Variants in CCDC122 observed in about 807,000 individuals in gnomAD.
The protein encoded by CCDC122 is coiled-coil domain-containing protein 122.
In CCDC122, 38 loss-of-function variants were observed where a neutral mutation model predicts 37.0. That is an observed-to-expected ratio of 1.03 (90% CI 0.79 to 1.35). CCDC122 has a LOEUF of 1.35. CCDC122 is among the 40% of genes most tolerant of loss of function. The pLI is 0.00. For missense variants in CCDC122, 305 were observed against 310.0 expected, an observed-to-expected ratio of 0.98 and a Z score of 0.12; for synonymous variants, 83 against 95.6, an observed-to-expected ratio of 0.87 and a Z score of 0.77.
intron 4 of CCDC122, among the ~76,000 whole-genome samples, chr13:43,864,797 G>A (rs189115063): frequency 2.1e-4 from 32 of 152,222 alleles, no homozygotes; most frequent in East Asian, 7.7e-4. Flanking sequence ...TCTTTTGTTC[G>A]AATGAATTAA....
At chr13:43,866,053 G>A (rs1316154183) in intron 4 of CCDC122, among the ~76,000 whole-genome samples, 1 of 152,170 alleles carries the variant, frequency 6.6e-6, no homozygotes, top group African/African-American at 2.4e-5. Flanking sequence ...TAATGAATGG[G>A]TAGCTCATAT....
chr13:43,826,192 C>A (rs1388159293), intron 3 of CCDC122, among the ~76,000 whole-genome samples: 1 of 152,036 alleles, frequency 6.6e-6, no homozygotes, highest in Non-Finnish European at 1.5e-5. Flanking sequence ...GTACATTTAG[C>A]CTTTCATTTT....
chr13:43,848,979 C>T (rs1953634444), intron 6 of CCDC122: 1 of 958,654 alleles, frequency 1.0e-6, no homozygotes, highest in East Asian at 1.1e-4. Flanking sequence ...GAAGGTTACT[C>T]ATATTAATGA....
intron 4 of CCDC122, among the ~76,000 whole-genome samples, chr13:43,862,508 A>G (rs890896804): frequency 6.6e-6 from 1 of 152,134 alleles, no homozygotes. Context: ...TTTCCTTTGT[A>G]ATACATCAAT....
At chr13:43,832,891 A>G (rs753238423), downstream of CCDC122, among the ~76,000 whole-genome samples, 6 of 152,214 alleles carry the variant, frequency 3.9e-5, no homozygotes, top group Non-Finnish European at 8.8e-5. Flanking sequence ...TGAGAATTAA[A>G]TGAAATCATG....
At chr13:43,848,210 C>T (rs1457711642) in intron 6 of CCDC122, among the ~76,000 whole-genome samples, 6 of 152,232 alleles carry the variant, frequency 3.9e-5, no homozygotes, top group Non-Finnish European at 8.8e-5. Context: ...GTTCATCACT[C>T]TTAGCAGCTC....
chr13:43,872,128 T>G (rs900192348), intron 2 of CCDC122, among the ~76,000 whole-genome samples: 3 of 152,096 alleles, frequency 2.0e-5, no homozygotes, highest in African/African-American at 7.2e-5. Context: ...TTTATTCTTC[T>G]AGCTCATCCC....
chr13:43,858,812 T>G lies in CCDC122; in HGVS notation c.641A>C (p.Lys214Thr), dbSNP rs1343540284. 2.1e-6 allele frequency: 3 copies of G among 1,424,208 alleles called. No individual in the cohort carries two copies. In the South Asian group the frequency reaches 4.0e-5, roughly 19 times the overall value. 88.2% of individuals were successfully genotyped at this position (1,424,208 alleles called of 1,614,324 possible). A position where few individuals can be genotyped will look rare whatever the true frequency, so the allele number is the denominator to read the frequency against. Residue 214 changes from lysine (K) to threonine (T), a missense_variant, in exon 6 of 7, where the codon AAG (lysine) becomes ACG (threonine). By Grantham distance (78) the Lys-to-Thr change is moderately conservative. Transcript: ENST00000444614. ...TTCTTTTCTTAATTTTTCATGTGTC[T>G]TTTTTTCTTCCTCAAGAAAACAAGT... Reference protein sequence around the residue: ...EKTCFLEEEKKTHEKLRKEIE... With the variant: ...EKTCFLEEEKTTHEKLRKEIE...
chr13:43,868,003 GCACGTCCT>G (rs1455289404), intron 4 of CCDC122, among the ~76,000 whole-genome samples: 1 of 151,910 alleles, frequency 6.6e-6, no homozygotes, highest in Non-Finnish European at 1.5e-5. Flanking sequence ...AAGCTTATGG[GCACGTCCT>G]ATTGTTATCT....
chr13:43,876,699 T>G (rs909685284), intron 1 of CCDC122, among the ~76,000 whole-genome samples: 14 of 152,262 alleles, frequency 9.2e-5, no homozygotes, highest in African/African-American at 3.4e-4. Flanking sequence ...GTGCTTGATA[T>G]TGTGCTTTCG....
intron 6 of CCDC122, chr13:43,854,310 CAGAAAT>C (rs1291054207): frequency 6.6e-6 from 1 of 152,122 alleles, no homozygotes; most frequent in Non-Finnish European, 1.5e-5. Flanking sequence ...ACTGACCCCA[CAGAAAT>C]ACAAATAACC....
rs1954109201 is a variant in CCDC122 at position 43,861,652 on chromosome 13, T to G, written c.157-1582A>C. Reference sequence around the variant, plus strand: ...AAAAATGCAAACTTCCTTGTATCCTTTTCCTGGCAGAGAAAAAGGAGGTAA... The same window carrying G: ...AAAAATGCAAACTTCCTTGTATCCTGTTCCTGGCAGAGAAAAAGGAGGTAA... On this transcript the variant is annotated intron_variant, in intron 4 of 6. Transcript: ENST00000444614. 2.6e-5 allele frequency among the ~76,000 whole-genome samples: 4 copies of G among 152,290 alleles called. No homozygotes were observed. In the South Asian group the frequency reaches 8.3e-4, roughly 32 times the overall value.
chr13:43,861,994 C>T (rs1390634022), intron 4 of CCDC122, among the ~76,000 whole-genome samples: 5 of 152,144 alleles, frequency 3.3e-5, no homozygotes, highest in African/African-American at 1.2e-4. Context: ...CAATGCACTT[C>T]TGACCAGTCT....
At chr13:43,826,513 A>C (rs1229697413) in intron 3 of CCDC122, among the ~76,000 whole-genome samples, 1 of 152,196 alleles carries the variant, frequency 6.6e-6, no homozygotes, top group Non-Finnish European at 1.5e-5. Context: ...TTTGATAATT[A>C]AAGCATCTGG....
intron 6 of CCDC122, among the ~76,000 whole-genome samples, chr13:43,844,386 T>C (rs963944073): frequency 6.6e-6 from 1 of 152,022 alleles, no homozygotes; most frequent in Non-Finnish European, 1.5e-5. Flanking sequence ...GCTGTGATAA[T>C]AGAATTTCAA....
chr13:43,851,324 C>A (rs74068097), intron 6 of CCDC122, among the ~76,000 whole-genome samples: 2 of 152,124 alleles, frequency 1.3e-5, no homozygotes, highest in African/African-American at 4.8e-5. Context: ...GTACAAAATT[C>A]TTTGTGAGGT....
chr13:43,870,314 C>G (rs554982351), intron 2 of CCDC122, among the ~76,000 whole-genome samples: 36 of 152,160 alleles, frequency 2.4e-4, no homozygotes, highest in African/African-American at 7.9e-4. Flanking sequence ...TGAAGTCTTC[C>G]CTGATGCTGA....
At chr13:43,859,417 T>C (rs1345972377) in intron 5 of CCDC122, among the ~76,000 whole-genome samples, 4 of 152,138 alleles carry the variant, frequency 2.6e-5, no homozygotes, top group African/African-American at 9.6e-5. Context: ...TTCACTGTGA[T>C]TTTATTTGAC....
At chr13:43,845,798 T>C (rs756317058) in intron 6 of CCDC122, among the ~76,000 whole-genome samples, 1 of 152,230 alleles carries the variant, frequency 6.6e-6, no homozygotes, top group Non-Finnish European at 1.5e-5. Context: ...CTGTTGTTTA[T>C]CAATACATTT....
Sources: gnomAD v4.1 joint callset for allele counts (sites outside exome capture counted in the v4.1 genomes callset) on GRCh38, gnomAD v4.1.1 for gene constraint, MANE v1.5 for transcripts, NCBI Gene and HGNC (gene_info 2026-07-23, HGNC 2026-07-21) for gene names.